The following ANTXR2 variants were observed in gnomAD, a reference collection of about 807,000 sequenced individuals.
The protein encoded by ANTXR2 is anthrax toxin receptor 2.
ANTXR2 carries 44 observed loss-of-function variants against 73.7 expected under a neutral mutation model. The observed-to-expected ratio is 0.60, with a 90% CI of 0.47 to 0.77. ANTXR2 has a LOEUF of 0.77. Ranked by LOEUF, ANTXR2 falls within the 30% of genes least tolerant of loss-of-function variation. ANTXR2 has a pLI of 0.00. For missense variants in ANTXR2, 604 were observed against 592.5 expected, an observed-to-expected ratio of 1.02 and a Z score of -0.20; for synonymous variants, 217 against 205.9, an observed-to-expected ratio of 1.05 and a Z score of -0.46.
intron 16 of ANTXR2, among the ~76,000 whole-genome samples, chr4:79,973,235 C>T (rs577497053): frequency 6.6e-6 from 1 of 152,136 alleles, no homozygotes; most frequent in Non-Finnish European, 1.5e-5. Flanking sequence ...CTTCAATTAT[C>T]CTAATAATGT....
intron 16 of ANTXR2, among the ~76,000 whole-genome samples, chr4:79,959,582 A>G (rs1225895662): frequency 6.6e-6 from 1 of 152,216 alleles, no homozygotes. Context: ...CAGAATTAGA[A>G]AGTTAAAATC....
intron 16 of ANTXR2, among the ~76,000 whole-genome samples, chr4:79,918,385 T>C (rs1042402949): frequency 6.6e-6 from 1 of 151,840 alleles, no homozygotes; most frequent in Non-Finnish European, 1.5e-5. Context: ...GATAAATACA[T>C]AGAAACCCAG....
chr4:79,964,075 T>G (rs1156295575), intron 16 of ANTXR2, among the ~76,000 whole-genome samples: 4 of 152,204 alleles, frequency 2.6e-5, no homozygotes, highest in African/African-American at 9.6e-5. Context: ...CTTAAAAGTT[T>G]AAAAACAAAT....
intron 7 of ANTXR2, among the ~76,000 whole-genome samples, chr4:80,049,311 G>T (rs1300408217): frequency 6.6e-6 from 1 of 151,604 alleles, no homozygotes; most frequent in Non-Finnish European, 1.5e-5. Context: ...AACCCACAGG[G>T]TACTCACATC....
chr4:80,025,625 T>C (rs12644137), intron 10 of ANTXR2, among the ~76,000 whole-genome samples: 115,349 of 152,082 alleles, frequency 0.76, 44,017 homozygotes, highest in East Asian at 0.95. Flanking sequence ...CTATTTAATG[T>C]TCTGCAGTGC....
intron 16 of ANTXR2, among the ~76,000 whole-genome samples, chr4:79,966,088 T>C (rs1411271227): frequency 6.6e-6 from 1 of 151,186 alleles, no homozygotes; most frequent in Non-Finnish European, 1.5e-5. Context: ...ACTCCAGGAC[T>C]AATTTTTCTC....
At chr4:79,955,319 T>C (rs1728847575) in intron 16 of ANTXR2, among the ~76,000 whole-genome samples, 1 of 152,190 alleles carries the variant, frequency 6.6e-6, no homozygotes, top group South Asian at 2.1e-4. Flanking sequence ...ATATCCATTA[T>C]GGATCTAGAA....
chr4:80,047,632 C>T (rs1733578793), intron 7 of ANTXR2, among the ~76,000 whole-genome samples: 1 of 151,702 alleles, frequency 6.6e-6, no homozygotes, highest in African/African-American at 2.4e-5. Flanking sequence ...AATTAGAGTT[C>T]TTATCTGGGA....
intron 16 of ANTXR2, among the ~76,000 whole-genome samples, chr4:79,922,036 A>T (rs1227389710): frequency 6.6e-6 from 1 of 152,118 alleles, no homozygotes; most frequent in Non-Finnish European, 1.5e-5. Context: ...AATAACATAT[A>T]CGGATTAAAA....
chr4:80,044,761 C>G (rs1207300980), intron 7 of ANTXR2, among the ~76,000 whole-genome samples: 1 of 151,750 alleles, frequency 6.6e-6, no homozygotes, highest in Non-Finnish European at 1.5e-5. Context: ...GAATGCAGTC[C>G]ATTCCAGAAG....
At chr4:80,069,184 G>A (rs977760348) in intron 3 of ANTXR2, among the ~76,000 whole-genome samples, 1 of 148,766 alleles carries the variant, frequency 6.7e-6, no homozygotes, top group Non-Finnish European at 1.5e-5. Flanking sequence ...AAGGTAGGAA[G>A]TGGTGAATAT....
At chr4:79,959,177 GATTT>G (rs1490095902) in intron 16 of ANTXR2, among the ~76,000 whole-genome samples, 1 of 151,922 alleles carries the variant, frequency 6.6e-6, no homozygotes, top group African/African-American at 2.4e-5. Flanking sequence ...ATGTTCAATA[GATTT>G]AATTATAATT....
In ANTXR2 at chr4:80,017,384, C is replaced by T. The variant is rs991347219; in HGVS notation, c.945+1514G>A. Among the ~76,000 whole-genome samples, 3 of 152,200 alleles carry T rather than the reference C, an allele frequency of 2.0e-5. No homozygotes were observed. In the East Asian group the frequency reaches 5.8e-4, roughly 29 times the overall value. ...TCCTTCTTACGGAGAATCATCTTGACCCCTTCTTGACTGTTACAGCTTGCT... is the reference window on the plus strand; with the variant it reads ...TCCTTCTTACGGAGAATCATCTTGATCCCTTCTTGACTGTTACAGCTTGCT... On this transcript the variant is annotated intron_variant, in intron 11 of 16. Transcript: ENST00000403729.
At chr4:80,025,506 A>G (rs962876631) in intron 10 of ANTXR2, among the ~76,000 whole-genome samples, 1 of 152,232 alleles carries the variant, frequency 6.6e-6, no homozygotes, top group African/African-American at 2.4e-5. Flanking sequence ...ATTTGCTGGA[A>G]GTAATAAATA....
intron 8 of ANTXR2, among the ~76,000 whole-genome samples, chr4:80,035,249 T>G (rs1732900327): frequency 6.6e-6 from 1 of 152,126 alleles, no homozygotes. Flanking sequence ...ATGCACTACT[T>G]TCCTTAAACA....
intron 12 of ANTXR2, among the ~76,000 whole-genome samples, chr4:79,989,866 A>C (rs1016713754): frequency 6.6e-6 from 1 of 152,130 alleles, no homozygotes; most frequent in African/African-American, 2.4e-5. Context: ...ACATGAACAG[A>C]ACTAAAAACA....
At chr4:79,908,953 T>C (rs1287961090) in intron 16 of ANTXR2, among the ~76,000 whole-genome samples, 1 of 152,116 alleles carries the variant, frequency 6.6e-6, no homozygotes, top group Non-Finnish European at 1.5e-5. Context: ...TTATGTTCCA[T>C]GGTTAGAAAT....
intron 11 of ANTXR2, among the ~76,000 whole-genome samples, chr4:80,011,156 A>C (rs1731556045): frequency 6.6e-6 from 1 of 152,068 alleles, no homozygotes; most frequent in African/African-American, 2.4e-5. Context: ...AAAAAAAATA[A>C]ATTAAATAAA....
At chr4:80,044,676 T>C (rs933678097) in intron 7 of ANTXR2, among the ~76,000 whole-genome samples, 6 of 151,886 alleles carry the variant, frequency 4.0e-5, no homozygotes, top group Non-Finnish European at 8.8e-5. Context: ...AATATAAGCC[T>C]AGACATATTT....
Sources: gnomAD v4.1 joint callset for allele counts (sites outside exome capture counted in the v4.1 genomes callset) on GRCh38, gnomAD v4.1.1 for gene constraint, MANE v1.5 for transcripts, NCBI Gene and HGNC (gene_info 2026-07-23, HGNC 2026-07-21) for gene names.